The following RHOBTB2 variants were observed in gnomAD, a reference collection of about 807,000 sequenced individuals.
RHOBTB2 encodes Rho related BTB domain containing 2.
In RHOBTB2, 39 loss-of-function variants were observed where a neutral mutation model predicts 66.5. The ratio of observed to expected loss-of-function variants is 0.59; its 90% CI spans 0.45 to 0.77. The LOEUF (loss-of-function observed/expected upper bound fraction) is 0.77, where lower values mean the gene tolerates loss of function less well. Ranked by LOEUF, RHOBTB2 falls within the 30% of genes least tolerant of loss-of-function variation. The probability of loss-of-function intolerance (pLI) is 0.00; values close to 1 mark genes in which losing one functional copy is unlikely to be tolerated. For missense variants in RHOBTB2, 755 were observed against 999.1 expected (o/e 0.76, Z 3.29); for synonymous variants, 390 against 395.0 (o/e 0.99, Z 0.15).
At chr8:23,016,292 C>T (rs1423224753) in intron 9 of RHOBTB2, among the ~76,000 whole-genome samples, 1 of 152,210 alleles carries the variant, frequency 6.6e-6, no homozygotes, top group Non-Finnish European at 1.5e-5. Flanking sequence ...ATGGGGTCCT[C>T]TCTGGGCTCC....
chr8:23,003,973 C>G (rs1485419556), intron 1 of RHOBTB2: 1 of 252,674 alleles, frequency 4.0e-6, no homozygotes, highest in African/African-American at 2.2e-5. Flanking sequence ...GTGCCCTGCC[C>G]TCAGGCATGC....
chr8:23,004,377 C>T lies in RHOBTB2; in HGVS notation c.-10-48C>T, dbSNP rs766652311. On this transcript the variant is annotated intron_variant, in intron 1 of 9. Coordinates refer to ENST00000251822, the MANE Select transcript of RHOBTB2 (RefSeq NM_015178.3). This position sits in a 1 kb window ranked among gnomAD's most constrained non-coding sequence, Gnocchi z 6.4. ...TGCGGGTGCTGGCCCTGGCCCACGGCGAGCTGGCATGCCATGCCGTCCTGA... is the reference window on the plus strand; with the variant it reads ...TGCGGGTGCTGGCCCTGGCCCACGGTGAGCTGGCATGCCATGCCGTCCTGA... The T allele has an allele frequency of 3.0e-5, 46 of 1,541,894 alleles. No homozygotes were observed. The highest frequency in any genetic ancestry group is 3.7e-5 in the Non-Finnish European group (41 of 1,116,046).
chr8:22,967,177 C>T, the RHOBTB2 span, among the ~76,000 whole-genome samples: 1,993 of 152,106 alleles, frequency 0.013, 52 homozygotes, highest in African/African-American at 0.045. Context: ...ATTCAATGAA[C>T]GAATGGATAA....
Position 23,017,519 on chromosome 8 carries a change from C to T in RHOBTB2, c.*50C>T, listed in dbSNP as rs1394728175. ...TGCTGCTGTTGTCCCCATCCGCCTT[C>T]ACCCCTCTGCTCTTCCGCATCACCC... On this transcript the variant is annotated 3_prime_UTR_variant, in exon 10 of 10. Coordinates refer to ENST00000251822, the MANE Select transcript of RHOBTB2 (RefSeq NM_015178.3). The surrounding 1 kb of genome is among the most constrained non-coding windows in gnomAD (Gnocchi z 5.3). 2 of 1,549,570 alleles carry T rather than the reference C, an allele frequency of 1.3e-6. No individual in the cohort carries two copies. The highest frequency in any genetic ancestry group is 2.1e-4 in the Middle Eastern group (1 of 4,778).
upstream of RHOBTB2, among the ~76,000 whole-genome samples, chr8:22,986,755 A>G (rs1171320847): frequency 6.6e-6 from 1 of 152,112 alleles, no homozygotes; most frequent in Non-Finnish European, 1.5e-5. Context: ...TAGGACTCAC[A>G]AAAAGGTAAA....
chr8:23,006,631 C>G lies in RHOBTB2; in HGVS notation c.483-97C>G. 1 of 1,236,322 alleles carries G rather than the reference C, an allele frequency of 8.1e-7. No homozygotes were observed. Among genetic ancestry groups the G allele is most frequent in the Non-Finnish European group, 1.1e-6 (1 of 872,772 alleles). The allele number at this position is 1,236,322 out of a possible 1,614,324, so 76.6% of individuals were successfully genotyped here. On this transcript the variant is annotated intron_variant, in intron 4 of 9. Coordinates refer to ENST00000251822, the MANE Select transcript of RHOBTB2 (RefSeq NM_015178.3). This position sits in a 1 kb window ranked among gnomAD's most constrained non-coding sequence, Gnocchi z 6.1. ...CAGGGCAGGAGTGGGTGGGGATTGG[C>G]ACCCAGATCCTGAGCAGAGTCCCTC... is the stretch of plus-strand genomic sequence containing the variant.
At chr8:22,956,772 C>T in the RHOBTB2 span, among the ~76,000 whole-genome samples, 8 of 152,204 alleles carry the variant, frequency 5.3e-5, no homozygotes, top group Non-Finnish European at 7.3e-5. Context: ...GGCAACTCTC[C>T]CGCCTCAGCC....
upstream of RHOBTB2, among the ~76,000 whole-genome samples, chr8:22,997,015 G>A (rs1810589034): frequency 6.6e-6 from 1 of 152,156 alleles, no homozygotes; most frequent in Non-Finnish European, 1.5e-5. Flanking sequence ...AGCCACAACT[G>A]GGGCACAGGC....
the RHOBTB2 span, among the ~76,000 whole-genome samples, chr8:22,959,415 TTTG>T: frequency 2.6e-5 from 4 of 152,078 alleles, no homozygotes; most frequent in South Asian, 4.2e-4. Context: ...CTCAGCTAGT[TTTG>T]TTTTTTGTTT....
At chr8:23,012,754 G>C (rs1811183364) in intron 7 of RHOBTB2, among the ~76,000 whole-genome samples, 1 of 151,984 alleles carries the variant, frequency 6.6e-6, no homozygotes, top group Non-Finnish European at 1.5e-5. Context: ...AAGTACCTTG[G>C]ACTATGGGCC....
Position 23,010,414 on chromosome 8 carries a change from A to G in RHOBTB2, c.1621-124A>G, listed in dbSNP as rs1019158110. On this transcript the variant is annotated intron_variant, in intron 6 of 9. Coordinates refer to ENST00000251822, the MANE Select transcript of RHOBTB2 (RefSeq NM_015178.3). ...TTCTCAGCAGATACACATGCAGCAC[A>G]GGGAAGGCTGCCCGTCTGGGGGAGC... 22 of 1,097,740 alleles carry G rather than the reference A, an allele frequency of 2.0e-5. No individual in the cohort carries two copies. The African/African-American group carries it at 3.1e-4, about 16-fold the overall frequency. The allele number at this position is 1,097,740 out of a possible 1,614,324, so 68.0% of individuals were successfully genotyped here.
chr8:22,986,600 C>T (rs1044082324), upstream of RHOBTB2, among the ~76,000 whole-genome samples: 3 of 152,090 alleles, frequency 2.0e-5, no homozygotes, highest in Non-Finnish European at 2.9e-5. Context: ...CTCTTCCCTT[C>T]TCCAGAATTC....
chr8:22,971,332 G>A, the RHOBTB2 span, among the ~76,000 whole-genome samples: 1 of 147,858 alleles, frequency 6.8e-6, no homozygotes, highest in African/African-American at 2.6e-5. Flanking sequence ...CTACCGGCAT[G>A]TGTCACTACG....
chr8:22,978,494 A>T, the RHOBTB2 span, among the ~76,000 whole-genome samples: 1 of 150,966 alleles, frequency 6.6e-6, no homozygotes, highest in Admixed American at 6.6e-5. Flanking sequence ...TCAAAAAAAA[A>T]AAAAACAAAA....
At chr8:22,976,364 A>C in the RHOBTB2 span, among the ~76,000 whole-genome samples, 1 of 152,134 alleles carries the variant, frequency 6.6e-6, no homozygotes, top group Non-Finnish European at 1.5e-5. Flanking sequence ...CCCGGACAGT[A>C]AATATTTCTG....
intron 1 of RHOBTB2, chr8:22,987,680 G>C (rs985592333): frequency 6.6e-6 from 1 of 152,326 alleles, no homozygotes; most frequent in African/African-American, 2.4e-5. Flanking sequence ...ACAATTTCCA[G>C]TTCTCAGAAT....
At chr8:22,969,468 T>A in the RHOBTB2 span, among the ~76,000 whole-genome samples, 3 of 151,986 alleles carry the variant, frequency 2.0e-5, no homozygotes, top group Non-Finnish European at 4.4e-5. Flanking sequence ...ACTCGAAAAA[T>A]GTGTAAAGAC....
chr8:22,980,552 A>C, the RHOBTB2 span, among the ~76,000 whole-genome samples: 1 of 152,216 alleles, frequency 6.6e-6, no homozygotes, highest in Admixed American at 6.5e-5. Flanking sequence ...AAACAGTGAA[A>C]AACTTGTGTA....
In RHOBTB2 at chr8:23,005,475, G is replaced by C; in HGVS notation, c.296G>C (p.Arg99Thr). 6.2e-7 allele frequency: 1 copy of C among 1,607,390 alleles called. No homozygotes were observed. The highest frequency in any genetic ancestry group is 8.5e-7 in the Non-Finnish European group (1 of 1,173,958). The change falls in exon 3 of 10, where the codon AGA becomes ACA. Residue 99 changes from arginine (R) to threonine (T), a missense_variant and splice_region_variant. By Grantham distance (71) the Arg-to-Thr change is moderately conservative. Transcript: ENST00000251822. ...HHKDRRFAYG[R>T]SDVVVLCFSI... Reference sequence around the variant, plus strand: ...AAAGACCGTCGCTTTGCTTATGGGAGGTAGGGAAGGCCTCTAGCCGCCTGC... The same window carrying C: ...AAAGACCGTCGCTTTGCTTATGGGACGTAGGGAAGGCCTCTAGCCGCCTGC...
Sources: gnomAD v4.1 joint callset for allele counts (sites outside exome capture counted in the v4.1 genomes callset) on GRCh38, gnomAD v4.1.1 for gene constraint, Gnocchi (gnomAD v3.1) non-coding constraint, MANE v1.5 for transcripts, NCBI Gene and HGNC (gene_info 2026-07-23, HGNC 2026-07-21) for gene names.